The following NRXN1 variants were observed in gnomAD, a reference collection of about 807,000 sequenced individuals.
NRXN1 encodes the protein neurexin-1.
In NRXN1, 39 loss-of-function variants were observed where a neutral mutation model predicts 150.9. The observed-to-expected ratio is 0.26, with a 90% CI of 0.20 to 0.34. The LOEUF is 0.34. Among genes scored for constraint, NRXN1 ranks in the 10% least tolerant of loss-of-function variants. The pLI is 1.00. For missense variants in NRXN1, 1,815 were observed against 1,949.9 expected (o/e 0.93, Z 1.30); for synonymous variants, 924 against 757.0 (o/e 1.22, Z -3.62).
At chr2:50,091,265 T>A in intron 19 of NRXN1, 58 bp downstream of exon 19, 1 of 1,593,838 alleles carries the variant, frequency 6.3e-7, no homozygotes, top group Non-Finnish European at 8.6e-7. Context: ...AAAACAGTGC[T>A]TTTTCTTCCA....
At chr2:50,999,264 T>C (rs865948515) in intron 2 of NRXN1, among the ~76,000 whole-genome samples, 2 of 152,102 alleles carry the variant, frequency 1.3e-5, no homozygotes, top group African/African-American at 4.8e-5. Flanking sequence ...CACTTATCCA[T>C]TTATTTGTTC....
chr2:50,517,201 A>G (rs1170135663), intron 12 of NRXN1, among the ~76,000 whole-genome samples: 2 of 152,086 alleles, frequency 1.3e-5, no homozygotes, highest in Non-Finnish European at 2.9e-5. Flanking sequence ...GCATCTTAAT[A>G]ACGCAAGAAG....
intron 21 of NRXN1, among the ~76,000 whole-genome samples, chr2:50,040,989 A>G (rs574110215): frequency 6.6e-6 from 1 of 152,242 alleles, no homozygotes; most frequent in East Asian, 1.9e-4. Context: ...TACATTAGGT[A>G]TATCTCCTAA....
intron 8 of NRXN1, among the ~76,000 whole-genome samples, chr2:50,566,288 G>C (rs1439176734): frequency 6.6e-6 from 1 of 152,062 alleles, no homozygotes; most frequent in African/African-American, 2.4e-5. Context: ...TCTGCACCCA[G>C]GCTGGAGTAC....
intron 5 of NRXN1, among the ~76,000 whole-genome samples, chr2:50,640,979 TAG>T (rs1683995708): frequency 6.6e-6 from 1 of 152,140 alleles, no homozygotes; most frequent in Non-Finnish European, 1.5e-5. Flanking sequence ...GAACAAGAGC[TAG>T]TCCTGAAACA....
Position 50,600,355 on chromosome 2 carries a change from C to T in NRXN1, c.1320+19667G>A, listed in dbSNP as rs1676047137. Among the ~76,000 whole-genome samples the T allele has an allele frequency of 2.3e-5, 3 of 132,928 alleles. No homozygotes were observed. In the Admixed American group the frequency reaches 2.5e-4, roughly 11 times the overall value. 87.2% of individuals were successfully genotyped at this position (132,928 alleles called of 152,430 possible). On this transcript the variant is annotated intron_variant, in intron 8 of 22. Coordinates refer to ENST00000401669, the MANE Select transcript of NRXN1 (RefSeq NM_001330078.2). ...TTTTTTTTTTTTTGAGACAGAGTCTCACTCTGTTACCCAGGCTGGAGTGCA... is the reference window on the plus strand; with the variant it reads ...TTTTTTTTTTTTTGAGACAGAGTCTTACTCTGTTACCCAGGCTGGAGTGCA...
intron 15 of NRXN1, among the ~76,000 whole-genome samples, chr2:50,479,136 A>C (rs950005526): frequency 3.9e-5 from 6 of 152,210 alleles, no homozygotes; most frequent in Non-Finnish European, 5.9e-5. Flanking sequence ...CTTTTGCTAA[A>C]CTTTGAACTA....
chr2:50,329,649 A>C (rs1339742194), intron 17 of NRXN1, among the ~76,000 whole-genome samples: 8,282 of 22,012 alleles, frequency 0.38, 1,219 homozygotes, highest in Admixed American at 0.41. Flanking sequence ...ATATATATAT[A>C]TATATATATA....
intron 2 of NRXN1, among the ~76,000 whole-genome samples, chr2:50,973,558 CATTA>C (rs1281927283): frequency 6.6e-6 from 1 of 152,000 alleles, no homozygotes; most frequent in Non-Finnish European, 1.5e-5. Flanking sequence ...CATCTTTCTT[CATTA>C]ATTAATTATA....
intron 2 of NRXN1, among the ~76,000 whole-genome samples, chr2:50,989,890 T>C (rs1313952621): frequency 1.3e-5 from 2 of 152,070 alleles, no homozygotes; most frequent in Non-Finnish European, 2.9e-5. Context: ...TCAAATGGTT[T>C]AATGGTTTTC....
intron 18 of NRXN1, among the ~76,000 whole-genome samples, chr2:50,101,002 T>C (rs928031029): frequency 3.3e-5 from 5 of 152,064 alleles, no homozygotes; most frequent in Admixed American, 2.6e-4. Context: ...ACAAATACTT[T>C]AGGTTGCTGT....
At chr2:50,644,849 A>G (rs1030373016) in intron 5 of NRXN1, among the ~76,000 whole-genome samples, 5 of 148,516 alleles carry the variant, frequency 3.4e-5, no homozygotes, top group African/African-American at 1.2e-4. Flanking sequence ...ATTTATATTT[A>G]TATATAAGGA....
Position 50,978,528 on chromosome 2 carries a change from C to A in NRXN1, c.772+48974G>T, listed in dbSNP as rs111366126. Among the ~76,000 whole-genome samples the A allele has an allele frequency of 2.4e-3, 368 of 151,582 alleles. 5 individuals are homozygous for A. Among genetic ancestry groups the A allele is most frequent in the African/African-American group, 8.6e-3 (357 of 41,430 alleles). On this transcript the variant is annotated intron_variant, in intron 2 of 22. Transcript: ENST00000401669. ...AGATATCTAATCCCTTTCCTTCCAA[C>A]TTCTGATACTGTAAACAAAATGTTG... is the stretch of plus-strand genomic sequence containing the variant.
intron 17 of NRXN1, among the ~76,000 whole-genome samples, chr2:50,267,236 A>G (rs2069003320): frequency 6.6e-6 from 1 of 152,190 alleles, no homozygotes. Context: ...CTTTGTGTCT[A>G]CCTTTGACCA....
intron 17 of NRXN1, among the ~76,000 whole-genome samples, chr2:50,340,026 T>TAAAA (rs1352718999): frequency 6.6e-6 from 1 of 152,220 alleles, no homozygotes; most frequent in East Asian, 1.9e-4. Flanking sequence ...CCCTGCCTTT[T>TAAAA]ATATTGTCAT....
intron 10 of NRXN1, among the ~76,000 whole-genome samples, chr2:50,535,127 C>A (rs1486222918): frequency 6.6e-6 from 1 of 152,148 alleles, no homozygotes; most frequent in Non-Finnish European, 1.5e-5. Context: ...ATGGAAAATG[C>A]ACAGGGTTGT....
In NRXN1 at chr2:50,439,167, G is replaced by A. The variant is rs184968475; in HGVS notation, c.3364+26275C>T. ...GACTACAATACCTCCAGCACTAAGA[G>A]TTGCAGCTTGGAAACAAGCAATGCA... On this transcript the variant is annotated intron_variant, in intron 17 of 22. Coordinates refer to ENST00000401669, the MANE Select transcript of NRXN1 (RefSeq NM_001330078.2). 5.0e-3 allele frequency among the ~76,000 whole-genome samples: 764 copies of A among 152,308 alleles called. 12 individuals carry two copies. In the South Asian group the frequency reaches 0.051, roughly 10 times the overall value.
intron 5 of NRXN1, among the ~76,000 whole-genome samples, chr2:50,806,115 C>G (rs1423164895): frequency 6.6e-6 from 1 of 152,166 alleles, no homozygotes; most frequent in African/African-American, 2.4e-5. Context: ...TATACATAAT[C>G]TGAAACCACT....
At chr2:50,483,239 T>C (rs980492513) in intron 15 of NRXN1, among the ~76,000 whole-genome samples, 12 of 152,042 alleles carry the variant, frequency 7.9e-5, no homozygotes, top group African/African-American at 2.9e-4. Context: ...AGTTACCCTA[T>C]ATGGCTTAAA....
Sources: gnomAD v4.1 joint callset for allele counts (sites outside exome capture counted in the v4.1 genomes callset) on GRCh38, gnomAD v4.1.1 for gene constraint, MANE v1.5 for transcripts, NCBI Gene and HGNC (gene_info 2026-07-23, HGNC 2026-07-21) for gene names.